The following VTI1A variants were observed in gnomAD, a reference collection of about 807,000 sequenced individuals.
VTI1A encodes the protein vesicle transport through interaction with t-SNAREs 1A, also known as vesicle transport through interaction with t-SNAREs homolog 1A.
In VTI1A, 22 loss-of-function variants were observed where a neutral mutation model predicts 34.9. The ratio of observed to expected loss-of-function variants is 0.63; its 90% CI spans 0.45 to 0.90. The LOEUF is 0.90. Among genes scored for constraint, VTI1A ranks in the 40% least tolerant of loss-of-function variants. The pLI is 0.00. For missense variants in VTI1A, 268 were observed against 275.6 expected (o/e 0.97, Z 0.20); for synonymous variants, 87 against 97.3 (o/e 0.89, Z 0.62).
chr10:112,524,821 G>A (rs1291306440), intron 3 of VTI1A, among the ~76,000 whole-genome samples: 1 of 152,100 alleles, frequency 6.6e-6, no homozygotes, highest in African/African-American at 2.4e-5. Flanking sequence ...GTGATGAGAT[G>A]AATAATTAAA....
At chr10:112,760,062 A>T (rs1851408219) in intron 7 of VTI1A, among the ~76,000 whole-genome samples, 1 of 152,202 alleles carries the variant, frequency 6.6e-6, no homozygotes, top group Non-Finnish European at 1.5e-5. Context: ...AGGGATAGGG[A>T]AGATATAAAC....
chr10:112,839,213 C>T, the VTI1A span, among the ~76,000 whole-genome samples: 1 of 152,226 alleles, frequency 6.6e-6, no homozygotes, highest in Non-Finnish European at 1.5e-5. Flanking sequence ...GGGCCAGCCC[C>T]TTTCCCTCCT....
intron 1 of VTI1A, among the ~76,000 whole-genome samples, chr10:112,454,712 CAAAA>C (rs10711229): frequency 7.4e-6 from 1 of 134,590 alleles, no homozygotes; most frequent in African/African-American, 2.8e-5. Flanking sequence ...GCTTATAGAC[CAAAA>C]AAAAAAAAAA....
chr10:112,565,104 A>G (rs1187598602), intron 5 of VTI1A, among the ~76,000 whole-genome samples: 2 of 152,152 alleles, frequency 1.3e-5, no homozygotes, highest in African/African-American at 2.4e-5. Context: ...TCAAGTTCAT[A>G]TATGAGGCAG....
chr10:112,529,253 T>C (rs987882663), intron 4 of VTI1A, among the ~76,000 whole-genome samples: 6 of 152,142 alleles, frequency 3.9e-5, no homozygotes, highest in Admixed American at 6.5e-5. Context: ...GAGACCACAC[T>C]GAACGTTTTG....
chr10:112,760,686 C>T (rs1393491705), intron 7 of VTI1A, among the ~76,000 whole-genome samples: 4 of 152,054 alleles, frequency 2.6e-5, no homozygotes, highest in Non-Finnish European at 5.9e-5. Context: ...ACCAGGAGTT[C>T]GAGACCAGGC....
chr10:112,803,282 G>C (rs1409551001), intron 7 of VTI1A, among the ~76,000 whole-genome samples: 4 of 152,100 alleles, frequency 2.6e-5, no homozygotes, highest in Non-Finnish European at 4.4e-5. Context: ...TGGTCAGGCT[G>C]GTCTCAAACT....
Position 112,565,981 on chromosome 10 carries a change from AT to A in VTI1A, c.427+27655del, listed in dbSNP as rs1345123692. 2.0e-5 allele frequency among the ~76,000 whole-genome samples: 3 copies of A among 152,198 alleles called. No homozygotes were observed. In the East Asian group the frequency reaches 5.8e-4, roughly 29 times the overall value. ...ATTTGTAACTTAAGCATGTGAAGTC[AT>A]TTTGGTATATTTTGAAGATTATTTA... On this transcript the variant is annotated intron_variant, in intron 5 of 7. Transcript: ENST00000393077.
chr10:112,676,396 G>A (rs367815626), intron 7 of VTI1A, among the ~76,000 whole-genome samples: 9 of 151,938 alleles, frequency 5.9e-5, no homozygotes, highest in East Asian at 1.9e-4. Flanking sequence ...AGGGAGGGGG[G>A]GCTCCTAGTT....
At chr10:112,456,526 G>A (rs189240195) in intron 1 of VTI1A, among the ~76,000 whole-genome samples, 1 of 152,108 alleles carries the variant, frequency 6.6e-6, no homozygotes, top group East Asian at 1.9e-4. Context: ...AGGAAATGAG[G>A]TATGTCTCAG....
chr10:112,687,485 G>A (rs951318302), intron 7 of VTI1A, among the ~76,000 whole-genome samples: 36 of 151,294 alleles, frequency 2.4e-4, no homozygotes, highest in Non-Finnish European at 4.1e-4. Flanking sequence ...TGCCCGCCTC[G>A]GCCTCCCAAA....
chr10:112,848,843 G>A, the VTI1A span, among the ~76,000 whole-genome samples: 1 of 152,154 alleles, frequency 6.6e-6, no homozygotes, highest in African/African-American at 2.4e-5. Context: ...AGGAGGAGGT[G>A]ACCATTGAGA....
chr10:112,690,737 A>AT (rs1376033362), intron 7 of VTI1A, among the ~76,000 whole-genome samples: 1 of 152,248 alleles, frequency 6.6e-6, no homozygotes, highest in East Asian at 1.9e-4. Context: ...AAAATGAAAA[A>AT]TATAGAGCAT....
At chr10:112,470,591 A>G (rs189204567) in intron 3 of VTI1A, among the ~76,000 whole-genome samples, 101 of 152,276 alleles carry the variant, frequency 6.6e-4, no homozygotes, top group Admixed American at 1.0e-3. Flanking sequence ...GTTACCTTTA[A>G]AAGTGCTGGG....
At chr10:112,619,760 T>C (rs1276395245) in intron 5 of VTI1A, among the ~76,000 whole-genome samples, 1 of 152,200 alleles carries the variant, frequency 6.6e-6, no homozygotes. Flanking sequence ...GGATAAAATG[T>C]ACATGGATCT....
intron 3 of VTI1A, among the ~76,000 whole-genome samples, chr10:112,521,714 T>C (rs557681000): frequency 3.0e-4 from 45 of 152,230 alleles, no homozygotes; most frequent in African/African-American, 1.1e-3. Flanking sequence ...CAAACATATA[T>C]CTAACAGTTT....
intron 7 of VTI1A, among the ~76,000 whole-genome samples, chr10:112,693,599 G>A (rs1848681548): frequency 6.6e-6 from 1 of 152,090 alleles, no homozygotes; most frequent in Non-Finnish European, 1.5e-5. Context: ...CTGACACAAG[G>A]CTCAAGGCAC....
chr10:112,501,749 T>G (rs183882573), intron 3 of VTI1A, among the ~76,000 whole-genome samples: 1 of 151,848 alleles, frequency 6.6e-6, no homozygotes, highest in East Asian at 1.9e-4. Flanking sequence ...TGTTTTTGTT[T>G]GTTGGGGATA....
At chr10:112,699,431 A>G (rs1205296463) in intron 7 of VTI1A, among the ~76,000 whole-genome samples, 3 of 152,250 alleles carry the variant, frequency 2.0e-5, no homozygotes, top group Non-Finnish European at 2.9e-5. Context: ...TGAGAAAAAT[A>G]GTAGTTCTTA....
Sources: allele counts gnomAD v4.1 joint callset (sites outside exome capture counted in the v4.1 genomes callset), GRCh38; gene constraint gnomAD v4.1.1; transcripts MANE v1.5; gene names NCBI Gene and HGNC (gene_info 2026-07-23, HGNC 2026-07-21).